Variants in STAG1 observed in about 807,000 individuals in gnomAD.
STAG1 encodes the protein cohesin subunit SA-1.
In STAG1, 26 loss-of-function variants were observed where a neutral mutation model predicts 170.9. That is an observed-to-expected ratio of 0.15 (90% confidence interval 0.11 to 0.21). STAG1 has a LOEUF of 0.21. STAG1 is among the 10% of genes least tolerant of loss of function. STAG1 has a pLI of 1.00. For missense variants in STAG1, 964 were observed against 1,509.5 expected (o/e 0.64, Z 5.99); for synonymous variants, 514 against 497.7 (o/e 1.03, Z -0.44).
At chr3:136,362,548 A>G (rs1232359265) in intron 26 of STAG1, among the ~76,000 whole-genome samples, 7 of 147,904 alleles carry the variant, frequency 4.7e-5, no homozygotes, top group Non-Finnish European at 5.9e-5. Flanking sequence ...TAGGTGGATC[A>G]CTTGAGGCCG....
At chr3:136,595,776 C>A (rs762587951) in intron 4 of STAG1, among the ~76,000 whole-genome samples, 1 of 150,754 alleles carries the variant, frequency 6.6e-6, no homozygotes. Flanking sequence ...AAAAAAAAAG[C>A]CTTTGGTCTG....
At chr3:136,555,955 T>C (rs905164599) in intron 5 of STAG1, among the ~76,000 whole-genome samples, 1 of 152,144 alleles carries the variant, frequency 6.6e-6, no homozygotes, top group African/African-American at 2.4e-5. Context: ...ATCTCACTGA[T>C]ACAGATATAA....
At chr3:136,428,923 A>G (rs975713537) in intron 16 of STAG1, among the ~76,000 whole-genome samples, 1 of 152,154 alleles carries the variant, frequency 6.6e-6, no homozygotes, top group African/African-American at 2.4e-5. Context: ...TCACCTGAGG[A>G]AAGGAATTCG....
intron 22 of STAG1, among the ~76,000 whole-genome samples, chr3:136,391,018 C>A (rs1023942908): frequency 2.6e-5 from 4 of 152,190 alleles, no homozygotes; most frequent in African/African-American, 4.8e-5. Context: ...AGTCTGTTTG[C>A]AGGTCAACAA....
chr3:136,518,762 G>C (rs981517867), intron 7 of STAG1, among the ~76,000 whole-genome samples: 1 of 151,978 alleles, frequency 6.6e-6, no homozygotes, highest in Non-Finnish European at 1.5e-5. Context: ...TTTGATATCT[G>C]ATTTTGAAAA....
At chr3:136,694,709 C>A (rs574364795) in intron 1 of STAG1, among the ~76,000 whole-genome samples, 1 of 151,860 alleles carries the variant, frequency 6.6e-6, no homozygotes, top group Non-Finnish European at 1.5e-5. Context: ...CAATAACCTA[C>A]GAAATTCCTT....
intron 29 of STAG1, 107 bp downstream of exon 29, chr3:136,349,051 A>G (rs931456254): frequency 2.3e-6 from 2 of 860,206 alleles, no homozygotes; most frequent in African/African-American, 3.4e-5. Flanking sequence ...TAAAATATAC[A>G]AGAAAATCAT....
intron 22 of STAG1, among the ~76,000 whole-genome samples, chr3:136,385,994 G>A (rs2086862970): frequency 1.3e-5 from 2 of 152,136 alleles, no homozygotes; most frequent in Admixed American, 1.3e-4. Context: ...TAGCCACCAT[G>A]CTTAGCCAAG....
chr3:136,389,989 G>A (rs1339440065), intron 22 of STAG1, among the ~76,000 whole-genome samples: 2 of 151,432 alleles, frequency 1.3e-5, no homozygotes, highest in African/African-American at 2.4e-5. Flanking sequence ...CCGCCACCAC[G>A]CCCAACTAAT....
intron 4 of STAG1, among the ~76,000 whole-genome samples, chr3:136,596,457 T>C (rs1404717256): frequency 6.6e-6 from 1 of 152,138 alleles, no homozygotes; most frequent in Non-Finnish European, 1.5e-5. Flanking sequence ...CAATACACTA[T>C]AGGGTAAATA....
intron 22 of STAG1, among the ~76,000 whole-genome samples, chr3:136,390,863 G>A (rs911295256): frequency 3.3e-5 from 5 of 152,200 alleles, no homozygotes; most frequent in Admixed American, 1.3e-4. Flanking sequence ...ACAGAAAGCA[G>A]CCTGTAGATT....
chr3:136,635,498 GCAGCTAA>G (rs1940515691), intron 1 of STAG1, among the ~76,000 whole-genome samples: 1 of 152,156 alleles, frequency 6.6e-6, no homozygotes. Context: ...TCCAAACGCT[GCAGCTAA>G]CATCACATGT....
rs1943489974 is a variant in STAG1, at chr3:136,714,960, T to A, written c.-84+37235A>T. Among the ~76,000 whole-genome samples, 5 of 69,868 alleles carry A rather than the reference T, an allele frequency of 7.2e-5. No individual in the cohort carries two copies. The Admixed American group carries it at 7.9e-4, about 11-fold the overall frequency. The allele number at this position is 69,868 out of a possible 152,430, so 45.8% of individuals were successfully genotyped here. On this transcript the variant is annotated intron_variant, in intron 1 of 33. Transcript: ENST00000383202. ...TTAAATATATATATATATATATATA[T>A]ATATTTTATATATATATTTTTATAT...
chr3:136,424,785 A>G (rs376624626), intron 16 of STAG1, among the ~76,000 whole-genome samples: 6 of 152,304 alleles, frequency 3.9e-5, no homozygotes, highest in African/African-American at 1.4e-4. Context: ...TTGACCTAGC[A>G]ATACCAATTC....
At chr3:136,471,925 C>T (rs887055869) in intron 12 of STAG1, among the ~76,000 whole-genome samples, 4 of 152,106 alleles carry the variant, frequency 2.6e-5, no homozygotes, top group African/African-American at 7.2e-5. Flanking sequence ...GCAGCTTTGA[C>T]CTTCTGGGCT....
intron 1 of STAG1, among the ~76,000 whole-genome samples, chr3:136,742,625 G>C (rs1934726712): frequency 6.6e-6 from 1 of 151,304 alleles, no homozygotes; most frequent in African/African-American, 2.4e-5. Flanking sequence ...TGAGACAGGA[G>C]AATCACCTGA....
At chr3:136,705,378 AACACACACACACACACACACACACACAC>A (rs3066789) in intron 1 of STAG1, among the ~76,000 whole-genome samples, 4 of 143,206 alleles carry the variant, frequency 2.8e-5, no homozygotes, top group African/African-American at 2.6e-5. Flanking sequence ...ATGATCATCA[AACACACACACACACACACACACACACAC>A]ACACACACAC....
chr3:136,589,188 G>C (rs1171151382), intron 4 of STAG1, among the ~76,000 whole-genome samples: 1 of 152,072 alleles, frequency 6.6e-6, no homozygotes, highest in Non-Finnish European at 1.5e-5. Context: ...ACTGCACCTG[G>C]CCTATTTTAT....
chr3:136,671,826 G>T (rs1445660752), intron 1 of STAG1, among the ~76,000 whole-genome samples: 4 of 152,072 alleles, frequency 2.6e-5, no homozygotes, highest in Non-Finnish European at 4.4e-5. Flanking sequence ...AGGCTGCAGT[G>T]AGCCAAGATG....
Sources: gnomAD v4.1 joint callset for allele counts (sites outside exome capture counted in the v4.1 genomes callset) on GRCh38, gnomAD v4.1.1 for gene constraint, MANE v1.5 for transcripts, NCBI Gene and HGNC (gene_info 2026-07-23, HGNC 2026-07-21) for gene names.